The following DCDC1 variants were observed in gnomAD, a reference collection of about 807,000 sequenced individuals.
DCDC1 encodes doublecortin domain containing 1.
Under a neutral mutation model 178.3 loss-of-function variants are expected in DCDC1, and 200 were observed. The observed-to-expected ratio is 1.12, with a 90% confidence interval of 1.00 to 1.26. The LOEUF is 1.26. Among genes scored for constraint, DCDC1 ranks in the 50% most tolerant of loss-of-function variants. The pLI, the probability that DCDC1 is intolerant of heterozygous loss-of-function variation, is 0.00. For synonymous variants in DCDC1, 690 were observed against 604.8 expected (o/e 1.14, Z -2.07); for missense variants, 1,983 against 1,749.2 (o/e 1.13, Z -2.38).
At chr11:31,150,646 C>A (rs975042948) in intron 9 of DCDC1, among the ~76,000 whole-genome samples, 4 of 152,114 alleles carry the variant, frequency 2.6e-5, no homozygotes, top group African/African-American at 9.7e-5. Flanking sequence ...AAGAAAGCCT[C>A]TTTTTAATAC....
chr11:31,078,437 C>T (rs1372528722), intron 17 of DCDC1, among the ~76,000 whole-genome samples: 1 of 152,062 alleles, frequency 6.6e-6, no homozygotes, highest in Non-Finnish European at 1.5e-5. Flanking sequence ...GCTAATTATG[C>T]CTAAATTAAC....
At chr11:31,341,563 G>T (rs1042379284) in intron 1 of DCDC1, among the ~76,000 whole-genome samples, 1 of 152,118 alleles carries the variant, frequency 6.6e-6, no homozygotes, top group African/African-American at 2.4e-5. Flanking sequence ...AGCCTCTATA[G>T]TATAGCTGAT....
At chr11:31,044,919 G>A (rs766059005) in intron 20 of DCDC1, among the ~76,000 whole-genome samples, 1 of 152,130 alleles carries the variant, frequency 6.6e-6, no homozygotes, top group Non-Finnish European at 1.5e-5. Flanking sequence ...AATACCATGT[G>A]GTGCTGATGT....
At chr11:31,246,618 A>G (rs1943586471) in intron 8 of DCDC1, among the ~76,000 whole-genome samples, 2 of 152,020 alleles carry the variant, frequency 1.3e-5, no homozygotes, top group African/African-American at 4.8e-5. Context: ...GTGTATTTTA[A>G]TGTTCCTTAT....
chr11:31,334,698 G>C (rs1262262205), intron 2 of DCDC1, among the ~76,000 whole-genome samples: 2 of 152,164 alleles, frequency 1.3e-5, no homozygotes, highest in African/African-American at 2.4e-5. Flanking sequence ...GTTTGCCTGG[G>C]TATCACCAGC....
intron 36 of DCDC1, chr11:30,882,602 C>G (rs1245344702): frequency 1.3e-5 from 2 of 152,200 alleles, no homozygotes; most frequent in African/African-American, 2.4e-5. Flanking sequence ...GCATACAAAC[C>G]AATCCTTCAA....
chr11:30,870,314 G>A (rs929115657), intron 38 of DCDC1, among the ~76,000 whole-genome samples: 3 of 151,994 alleles, frequency 2.0e-5, no homozygotes, highest in African/African-American at 4.8e-5. Context: ...CCTTCCCATG[G>A]GAGCTGGGTG....
intron 35 of DCDC1, among the ~76,000 whole-genome samples, chr11:30,893,877 T>C (rs1943992376): frequency 6.6e-6 from 1 of 152,228 alleles, no homozygotes; most frequent in Admixed American, 6.5e-5. Context: ...TTGCAATTAG[T>C]ATTTTACTCC....
chr11:30,922,069 C>T (rs1368243008), intron 24 of DCDC1, among the ~76,000 whole-genome samples: 1 of 152,154 alleles, frequency 6.6e-6, no homozygotes, highest in Non-Finnish European at 1.5e-5. Flanking sequence ...TAAGTCACTC[C>T]AGTCATCGAC....
chr11:31,304,384 T>C (rs1054163269), intron 6 of DCDC1, among the ~76,000 whole-genome samples: 1 of 152,160 alleles, frequency 6.6e-6, no homozygotes, highest in Admixed American at 6.6e-5. Context: ...CATGTTTTTA[T>C]ATAAGCAAAT....
chr11:30,913,212 G>C (rs1307642093), intron 27 of DCDC1, among the ~76,000 whole-genome samples: 1 of 152,050 alleles, frequency 6.6e-6, no homozygotes, highest in Non-Finnish European at 1.5e-5. Context: ...ACAAGGTCAG[G>C]AGATCAGACC....
At chr11:30,879,688 G>A (rs766371472) in intron 37 of DCDC1, among the ~76,000 whole-genome samples, 1 of 152,118 alleles carries the variant, frequency 6.6e-6, no homozygotes, top group Non-Finnish European at 1.5e-5. Flanking sequence ...AGCTAACATG[G>A]AGGAAAATGG....
At chr11:31,345,769 G>A in intron 1 of DCDC1, among the ~76,000 whole-genome samples, 1 of 152,044 alleles carries the variant, frequency 6.6e-6, no homozygotes, top group Non-Finnish European at 1.5e-5. Flanking sequence ...TATAATTCAG[G>A]AGAAACAAAT....
Position 31,030,608 on chromosome 11 carries a change from A to G in DCDC1, c.2591+33861T>C, listed in dbSNP as rs191793839. 2.2e-3 allele frequency among the ~76,000 whole-genome samples: 331 copies of G among 152,236 alleles called. 4 individuals carry two copies. The highest frequency in any genetic ancestry group is 6.2e-3 in the East Asian group (32 of 5,166). On this transcript the variant is annotated intron_variant, in intron 20 of 38. Coordinates refer to ENST00000684477, the MANE Select transcript of DCDC1 (RefSeq NM_001387274.1). ...TCACTTCCCTTTGCCGAAGCAAGACACTGTCAGGAATAGAGTGCATATGTG... is the reference window on the plus strand; with the variant it reads ...TCACTTCCCTTTGCCGAAGCAAGACGCTGTCAGGAATAGAGTGCATATGTG...
At chr11:31,211,599 A>G (rs1972540771) in intron 9 of DCDC1, among the ~76,000 whole-genome samples, 1 of 152,216 alleles carries the variant, frequency 6.6e-6, no homozygotes, top group African/African-American at 2.4e-5. Flanking sequence ...TTAATCGGAA[A>G]AAATCCATAT....
chr11:31,130,565 C>G (rs1185830861), intron 10 of DCDC1, among the ~76,000 whole-genome samples: 5 of 152,038 alleles, frequency 3.3e-5, no homozygotes, highest in Admixed American at 6.6e-5. Flanking sequence ...GTAAAGTGAG[C>G]AAAAAATGAA....
intron 21 of DCDC1, among the ~76,000 whole-genome samples, chr11:30,937,625 T>C (rs1947356464): frequency 6.6e-6 from 1 of 152,148 alleles, no homozygotes; most frequent in South Asian, 2.1e-4. Context: ...GTGGAAACCA[T>C]GATTTTCACT....
chr11:31,365,749 C>T (rs1285641160), intron 1 of DCDC1, among the ~76,000 whole-genome samples: 1 of 152,124 alleles, frequency 6.6e-6, no homozygotes. Context: ...GATCAATCAT[C>T]TGGGAATCAA....
At chr11:31,294,861 A>AGAAAG (rs1555168307) in intron 6 of DCDC1, among the ~76,000 whole-genome samples, 1 of 142,886 alleles carries the variant, frequency 7.0e-6, no homozygotes, top group African/African-American at 2.7e-5. Flanking sequence ...AAAGAAAGAA[A>AGAAAG]GAAAGAAAAA....
Sources: gnomAD v4.1 joint callset for allele counts (sites outside exome capture counted in the v4.1 genomes callset) on GRCh38, gnomAD v4.1.1 for gene constraint, MANE v1.5 for transcripts, NCBI Gene and HGNC (gene_info 2026-07-23, HGNC 2026-07-21) for gene names.